The following MAPK4 variants were observed in gnomAD, a reference collection of about 807,000 sequenced individuals.
MAPK4 encodes Erk3-related.
A neutral mutation model predicts 47.7 loss-of-function variants in MAPK4; 22 were observed. The ratio of observed to expected loss-of-function variants is 0.46; its 90% CI spans 0.33 to 0.66. The LOEUF (loss-of-function observed/expected upper bound fraction) is 0.66. Among genes scored for constraint, MAPK4 ranks in the 30% least tolerant of loss-of-function variants. The pLI is 0.02. For missense variants in MAPK4, 736 were observed against 831.7 expected (o/e 0.88, Z 1.42); for synonymous variants, 390 against 365.7 (o/e 1.07, Z -0.76).
intron 2 of MAPK4, among the ~76,000 whole-genome samples, chr18:50,673,364 C>T (rs1908074590): frequency 6.6e-6 from 1 of 152,252 alleles, no homozygotes; most frequent in South Asian, 2.1e-4. Context: ...CTCCCCTCAC[C>T]ATGAGAGCTG....
At chr18:50,620,752 A>AAT (rs1555648616) in intron 1 of MAPK4, among the ~76,000 whole-genome samples, 1,816 of 151,748 alleles carry the variant, frequency 0.012, 36 homozygotes, top group African/African-American at 0.04. Context: ...AAAAATTAAA[A>AAT]ATATATATAT....
intron 4 of MAPK4, 64 bp from the exon 5 acceptor site, chr18:50,725,898 G>A: frequency 1.5e-6 from 2 of 1,295,008 alleles, no homozygotes; most frequent in East Asian, 2.3e-5. Context: ...CCGTGCTGAG[G>A]AATCTCCTTC....
intron 4 of MAPK4, 132 bp from the exon 5 acceptor site, chr18:50,725,830 A>C: frequency 1.3e-6 from 1 of 773,370 alleles, no homozygotes; most frequent in Non-Finnish European, 2.2e-6. Context: ...CTTGAGAAAG[A>C]AAATGGCTAA....
intron 1 of MAPK4, among the ~76,000 whole-genome samples, chr18:50,642,241 G>A (rs923543300): frequency 2.0e-5 from 3 of 152,190 alleles, no homozygotes; most frequent in East Asian, 1.9e-4. Context: ...TTGCTTGTCA[G>A]TTGAAATGTA....
chr18:50,566,258 A>AT (rs569863757), intron 1 of MAPK4, among the ~76,000 whole-genome samples: 34 of 152,310 alleles, frequency 2.2e-4, no homozygotes, highest in Admixed American at 4.6e-4. Flanking sequence ...ATTTGTATAA[A>AT]TTTTTCGAGT....
chr18:50,592,916 A>G (rs937376710), intron 1 of MAPK4, among the ~76,000 whole-genome samples: 17 of 152,222 alleles, frequency 1.1e-4, no homozygotes, highest in Admixed American at 5.9e-4. Flanking sequence ...TTTGAATTCT[A>G]AACTCTTTAC....
intron 1 of MAPK4, among the ~76,000 whole-genome samples, chr18:50,567,460 TTTGGA>T (rs1378932755): frequency 1.3e-5 from 2 of 152,354 alleles, no homozygotes; most frequent in African/African-American, 4.8e-5. Context: ...TTTTCTACAA[TTTGGA>T]TTGTTTTCTT....
At chr18:50,689,367 C>A (rs2144342861) in intron 2 of MAPK4, among the ~76,000 whole-genome samples, 1 of 150,120 alleles carries the variant, frequency 6.7e-6, no homozygotes, top group East Asian at 1.9e-4. Context: ...CGCCATTGCA[C>A]CCCAGCCTGG....
chr18:50,583,100 G>A (rs987260400), intron 1 of MAPK4, among the ~76,000 whole-genome samples: 1 of 152,188 alleles, frequency 6.6e-6, no homozygotes, highest in Non-Finnish European at 1.5e-5. Flanking sequence ...TAGGGAGTGA[G>A]TAAGGGAGAG....
intron 2 of MAPK4, among the ~76,000 whole-genome samples, chr18:50,693,148 A>G (rs1447346649): frequency 6.6e-6 from 1 of 151,944 alleles, no homozygotes; most frequent in African/African-American, 2.4e-5. Flanking sequence ...AATCCCAGCT[A>G]CTCAGGAGGC....
chr18:50,585,984 G>A (rs2042384806), intron 1 of MAPK4, among the ~76,000 whole-genome samples: 1 of 152,160 alleles, frequency 6.6e-6, no homozygotes, highest in Non-Finnish European at 1.5e-5. Flanking sequence ...GATTATGGGA[G>A]CTACAATTCA....
intron 2 of MAPK4, among the ~76,000 whole-genome samples, chr18:50,711,980 C>G (rs1339859924): frequency 6.6e-6 from 1 of 152,158 alleles, no homozygotes; most frequent in Non-Finnish European, 1.5e-5. Context: ...CAGCAGGGCC[C>G]TGGTCCACTG....
At chr18:50,697,178 A>AT (rs760608424) in intron 2 of MAPK4, among the ~76,000 whole-genome samples, 26 of 152,352 alleles carry the variant, frequency 1.7e-4, no homozygotes, top group Admixed American at 9.1e-4. Flanking sequence ...GATGTAGAGC[A>AT]TAGCATAGCT....
In MAPK4 at chr18:50,634,305, TTTTTTTTTTC is replaced by T; in HGVS notation, c.-870-28774_-870-28765del. ...CTTTTTTCAGCATGGCTGTCAGGTG[TTTTTTTTTTC>T]TTTTTTTTTTTTCCTTTTCTGAAAA... On this transcript the variant is annotated intron_variant, in intron 1 of 5. Transcript: ENST00000400384. 7.5e-5 allele frequency among the ~76,000 whole-genome samples: 6 copies of T among 80,354 alleles called. No homozygotes were observed. In the South Asian group the frequency reaches 3.1e-3, roughly 41 times the overall value. The allele number at this position is 80,354 out of a possible 152,430, so 52.7% of individuals were successfully genotyped here.
intron 1 of MAPK4, among the ~76,000 whole-genome samples, chr18:50,592,685 G>C (rs537634497): frequency 9.3e-4 from 142 of 152,296 alleles, no homozygotes; most frequent in African/African-American, 3.3e-3. Flanking sequence ...AAAATGTATT[G>C]ACTGATGGAG....
chr18:50,637,620 G>C (rs1384184178), intron 1 of MAPK4, among the ~76,000 whole-genome samples: 1 of 152,234 alleles, frequency 6.6e-6, no homozygotes. Context: ...TGCCTGCACA[G>C]GGGTGTATTT....
chr18:50,580,655 C>A (rs1157631537), intron 1 of MAPK4, among the ~76,000 whole-genome samples: 2 of 152,178 alleles, frequency 1.3e-5, no homozygotes, highest in Non-Finnish European at 2.9e-5. Flanking sequence ...CCATCCTAGA[C>A]GTCTGTTCCT....
chr18:50,695,023 G>A (rs1197758270), intron 2 of MAPK4, among the ~76,000 whole-genome samples: 2 of 152,178 alleles, frequency 1.3e-5, no homozygotes, highest in Non-Finnish European at 1.5e-5. Context: ...CTGCCTGTCA[G>A]AAGCTGATGA....
intron 2 of MAPK4, among the ~76,000 whole-genome samples, chr18:50,710,504 G>A (rs763187446): frequency 2.3e-4 from 35 of 151,224 alleles, no homozygotes; most frequent in Admixed American, 1.6e-3. Flanking sequence ...TAGGCCAGGC[G>A]CGGAGGCTCA....
Sources: gnomAD v4.1 joint callset for allele counts (sites outside exome capture counted in the v4.1 genomes callset) on GRCh38, gnomAD v4.1.1 for gene constraint, MANE v1.5 for transcripts, NCBI Gene and HGNC (gene_info 2026-07-23, HGNC 2026-07-21) for gene names.